The following MX1 variants were observed in gnomAD, a reference collection of about 807,000 sequenced individuals.
MX1 encodes MX dynamin like GTPase 1, also known as interferon-induced GTP-binding protein Mx1.
A neutral mutation model predicts 66.4 loss-of-function variants in MX1; 66 were observed. The observed-to-expected ratio is 0.99, with a 90% confidence interval of 0.82 to 1.22. The LOEUF (loss-of-function observed/expected upper bound fraction) is 1.22. MX1 is among the 50% of genes most tolerant of loss of function. The pLI is 0.00. For synonymous variants in MX1, 311 were observed against 318.1 expected (o/e 0.98, Z 0.24); for missense variants, 787 against 834.3 (o/e 0.94, Z 0.70).
rs1352586087 is a variant in MX1, at chr21:41,446,154, G to A, written c.1273+13G>A. 1 of 1,610,850 alleles carries A rather than the reference G, an allele frequency of 6.2e-7. No homozygotes were observed. The highest frequency in any genetic ancestry group is 8.5e-7 in the Non-Finnish European group (1 of 1,177,896). ...AATTTTCAAGAAGGTGAGTGTCTTA[G>A]TCCCTTCTTTTGGGCTGCTACAACC... is the stretch of plus-strand genomic sequence containing the variant. On this transcript the variant is annotated intron_variant, in intron 13 of 16. Transcript: ENST00000398598.
intron 16 of MX1, among the ~76,000 whole-genome samples, chr21:41,454,047 A>G (rs928481463): frequency 4.6e-5 from 7 of 152,240 alleles, no homozygotes; most frequent in Non-Finnish European, 1.0e-4. Flanking sequence ...GGGAAGGCCT[A>G]GAAGGGGAGA....
chr21:41,443,819 C>T lies in MX1; in HGVS notation c.961C>T (p.Pro321Ser). 3.1e-6 allele frequency: 5 copies of T among 1,614,226 alleles called. No homozygotes were observed. The highest frequency in any genetic ancestry group is 4.2e-6 in the Non-Finnish European group (5 of 1,180,036). The part of the protein sequence containing the change: ...DLLEEGKATV[P>S]CLAEKLTSEL... ...GCTGGAGGAAGGAAAGGCCACGGTT[C>T]CCTGCCTGGCAGAAAAACTTACCAG... Residue 321 changes from proline (P) to serine (S), a missense_variant, in exon 11 of 17, where the codon CCC (proline) becomes TCC (serine). Transcript: ENST00000398598.
chr21:41,437,331 G>A (rs928862503), intron 7 of MX1, among the ~76,000 whole-genome samples, 179 bp downstream of exon 7: 34 of 152,216 alleles, frequency 2.2e-4, no homozygotes, highest in African/African-American at 7.9e-4. Context: ...TTGGATATCA[G>A]CATCTGATAG....
At chr21:41,457,816 C>A (rs1461757646) in intron 16 of MX1, among the ~76,000 whole-genome samples, 1 of 152,142 alleles carries the variant, frequency 6.6e-6, no homozygotes, top group Admixed American at 6.5e-5. Context: ...TATCACCTTC[C>A]CACACTGAAA....
In MX1 at chr21:41,458,981, GA is replaced by G. The variant is rs1723710921; in HGVS notation, c.*224del. The G allele has an allele frequency of 2.7e-6, 2 of 747,916 alleles. No homozygotes were observed. Among genetic ancestry groups the G allele is most frequent in the African/African-American group, 3.5e-5 (2 of 56,534 alleles). The allele number at this position is 747,916 out of a possible 1,614,324, so 46.3% of individuals were successfully genotyped here. ...TGCACATGAGCTGGCGGGATTGAAG[GA>G]TGCTGTCTTCGTACTGGGAAAGGGA... On this transcript the variant is annotated 3_prime_UTR_variant, in exon 17 of 17. Coordinates refer to ENST00000398598, the MANE Select transcript of MX1 (RefSeq NM_002462.5).
rs188754430 is a variant in MX1, at chr21:41,429,573, C to T, written c.-97-960C>T. On this transcript the variant is annotated intron_variant, in intron 3 of 16. Transcript: ENST00000398598. ...TGGGCACATGAGGTATTTCCAAAGGCATGGGAGTTTTAGGGAATAAATTCC... is the reference window on the plus strand; with the variant it reads ...TGGGCACATGAGGTATTTCCAAAGGTATGGGAGTTTTAGGGAATAAATTCC... The T allele has an allele frequency of 1.4e-3, 210 of 152,270 alleles. 2 individuals are homozygous for T. Among genetic ancestry groups the T allele is most frequent in the African/African-American group, 4.8e-3 (199 of 41,548 alleles). The allele number at this position is 152,270 out of a possible 1,614,324, so 9.4% of individuals were successfully genotyped here.
At chr21:41,446,401 G>T (rs1219580799) in intron 13 of MX1, among the ~76,000 whole-genome samples, 1 of 152,180 alleles carries the variant, frequency 6.6e-6, no homozygotes, top group African/African-American at 2.4e-5. Flanking sequence ...ATACCTCAGA[G>T]ATATTGTGGG....
intron 14 of MX1, chr21:41,450,866 A>G (rs1453957359): frequency 6.6e-6 from 1 of 150,666 alleles, no homozygotes; most frequent in Non-Finnish European, 1.4e-5. Context: ...GACTTATATT[A>G]AGAGTTGTAT....
chr21:41,454,870 C>CTGATTGCAG (rs1322976639), intron 16 of MX1, among the ~76,000 whole-genome samples: 1 of 151,820 alleles, frequency 6.6e-6, no homozygotes, highest in Admixed American at 6.6e-5. Context: ...AATGCAGATG[C>CTGATTGCAG]TGATTGCAGG....
intron 16 of MX1, among the ~76,000 whole-genome samples, chr21:41,453,938 T>C (rs989775443): frequency 6.6e-6 from 1 of 152,180 alleles, no homozygotes; most frequent in East Asian, 1.9e-4. Flanking sequence ...GGTATGTAGA[T>C]GAAGACTCTG....
chr21:41,432,251 T>TAGCACCGCTGTA, intron 5 of MX1, 76 bp downstream of exon 5: 3 of 1,299,716 alleles, frequency 2.3e-6, no homozygotes, highest in Non-Finnish European at 3.3e-6. Flanking sequence ...TCTACAGCGG[T>TAGCACCGCTGTA]GCTACTGCTG....
chr21:41,443,472 A>T (rs1885333382), intron 10 of MX1: 1 of 316,862 alleles, frequency 3.2e-6, no homozygotes, highest in South Asian at 4.2e-5. Context: ...AGAAGGGGGT[A>T]TGTGTTATAA....
At chr21:41,455,734 A>G (rs1405810985) in intron 16 of MX1, among the ~76,000 whole-genome samples, 1 of 152,196 alleles carries the variant, frequency 6.6e-6, no homozygotes, top group African/African-American at 2.4e-5. Context: ...GTTCTTTTCA[A>G]TGGCTGCTGA....
rs2090503203 is a variant in MX1 at position 41,441,243 on chromosome 21, A to G, written c.730+218A>G. 8.1e-6 allele frequency: 5 copies of G among 615,550 alleles called. No individual in the cohort carries two copies. Among genetic ancestry groups the G allele is most frequent in the Non-Finnish European group, 1.3e-5 (5 of 372,972 alleles). 38.1% of individuals were successfully genotyped at this position (615,550 alleles called of 1,614,324 possible). A position where few individuals can be genotyped will look rare whatever the true frequency, so the allele number is the denominator to read the frequency against. On this transcript the variant is annotated intron_variant, in intron 9 of 16. Transcript: ENST00000398598. This position sits in a 1 kb window ranked among gnomAD's most constrained non-coding sequence, Gnocchi z 4.0. Reference sequence around the variant, plus strand: ...TCAGTGGGGACCTGCCTCCACTAAGACCTGCTAAGGGAGCAGGTTTGGTGC... The same window carrying G: ...TCAGTGGGGACCTGCCTCCACTAAGGCCTGCTAAGGGAGCAGGTTTGGTGC...
chr21:41,436,363 A>G (rs981165917), intron 6 of MX1, among the ~76,000 whole-genome samples: 2 of 152,238 alleles, frequency 1.3e-5, no homozygotes, highest in African/African-American at 4.8e-5. Flanking sequence ...ATACAGTCCC[A>G]TTAGGGGTTA....
chr21:41,443,693 A>T (rs2090579381), intron 10 of MX1, 95 bp from the exon 11 acceptor site: 2 of 1,083,116 alleles, frequency 1.8e-6, no homozygotes, highest in South Asian at 2.5e-5. Flanking sequence ...GTTGTAAGCA[A>T]CTGAAATTTG....
In MX1 at chr21:41,441,478, G is replaced by A; in HGVS notation, c.731-238G>A. ...GGCGTGTTCTACAGTGGACCCGGGT[G>A]AAGGAGCTTGGGGAGAGCCACATGC... On this transcript the variant is annotated intron_variant, in intron 9 of 16. Coordinates refer to ENST00000398598, the MANE Select transcript of MX1 (RefSeq NM_002462.5). This position sits in a 1 kb window ranked among gnomAD's most constrained non-coding sequence, Gnocchi z 4.0. The A allele has an allele frequency of 1.7e-6, 1 of 573,002 alleles. No homozygotes were observed. Among genetic ancestry groups the A allele is most frequent in the Non-Finnish European group, 3.1e-6 (1 of 319,750 alleles). 35.5% of individuals were successfully genotyped at this position (573,002 alleles called of 1,614,324 possible).
At chr21:41,436,882 G>A (rs2090378303) in intron 6 of MX1, 133 bp from the exon 7 acceptor site, 2 of 1,093,284 alleles carry the variant, frequency 1.8e-6, no homozygotes, top group East Asian at 2.4e-5. Context: ...ATATCAGAGG[G>A]TAAGACCAGA....
chr21:41,445,957 T>C, intron 12 of MX1, 43 bp from the exon 13 acceptor site: 1 of 1,602,472 alleles, frequency 6.2e-7, no homozygotes, highest in Non-Finnish European at 8.5e-7. Context: ...GACACTTGGA[T>C]TTGAAGTCTA....
Sources: gnomAD v4.1 joint callset for allele counts (sites outside exome capture counted in the v4.1 genomes callset) on GRCh38, gnomAD v4.1.1 for gene constraint, Gnocchi (gnomAD v3.1) non-coding constraint, MANE v1.5 for transcripts, NCBI Gene and HGNC (gene_info 2026-07-23, HGNC 2026-07-21) for gene names.